The following SAFB variants were observed in gnomAD, a reference collection of about 807,000 sequenced individuals.
The protein encoded by SAFB is scaffold attachment factor B1.
SAFB carries 15 observed loss-of-function variants against 101.6 expected under a neutral mutation model. That is an observed-to-expected ratio of 0.15 (90% CI 0.10 to 0.23). SAFB has a LOEUF of 0.23. Ranked by LOEUF, SAFB falls within the 10% of genes least tolerant of loss-of-function variation. SAFB has a pLI of 1.00. For missense variants in SAFB, 930 were observed against 1,104.1 expected (o/e 0.84, Z 2.23); for synonymous variants, 449 against 407.5 (o/e 1.10, Z -1.23).
At chr19:5,642,380 A>G (rs1280269374) in intron 4 of SAFB, among the ~76,000 whole-genome samples, 3 of 152,142 alleles carry the variant, frequency 2.0e-5, no homozygotes, top group African/African-American at 7.2e-5. Flanking sequence ...CAGGAGTTCA[A>G]GGCTGTACTA....
At chr19:5,640,932 CT>C (rs60475807) in intron 2 of SAFB, among the ~76,000 whole-genome samples, 40,486 of 138,172 alleles carry the variant, frequency 0.29, 6,128 homozygotes, top group East Asian at 0.72. Context: ...TTTTGTTTTT[CT>C]TTTTTTTTTT....
chr19:5,624,951 C>CT (rs1025756254), intron 1 of SAFB, among the ~76,000 whole-genome samples: 3 of 152,126 alleles, frequency 2.0e-5, no homozygotes, highest in African/African-American at 7.2e-5. Context: ...AGGCTTTATC[C>CT]TTTTTTTCTC....
Position 5,668,368 on chromosome 19 carries a change from T to C in SAFB, c.*77T>C, listed in dbSNP as rs565132913. 1.9e-5 allele frequency: 29 copies of C among 1,488,242 alleles called. No homozygotes were observed. The African/African-American group carries it at 3.9e-4, about 20-fold the overall frequency. The allele number at this position is 1,488,242 out of a possible 1,614,324, so 92.2% of individuals were successfully genotyped here. On this transcript the variant is annotated 3_prime_UTR_variant, in exon 21 of 21. Coordinates refer to ENST00000588852, the MANE Select transcript of SAFB (RefSeq NM_001201338.2). ...GGAGTTACCTTAAACTGTGTAAAAA[T>C]ATTTTTTTTTAATCTGCTGCCATAT...
intron 1 of SAFB, among the ~76,000 whole-genome samples, chr19:5,624,687 A>G (rs1486825344): frequency 1.6e-5 from 2 of 121,586 alleles, no homozygotes; most frequent in Non-Finnish European, 3.5e-5. Context: ...AGAAGTAGGG[A>G]TTTTTTTTTT....
intron 4 of SAFB, among the ~76,000 whole-genome samples, chr19:5,643,166 T>C (rs540608565): frequency 2.0e-5 from 3 of 152,308 alleles, no homozygotes; most frequent in East Asian, 3.9e-4. Flanking sequence ...TAATTTGATA[T>C]TAATTTCATT....
intron 6 of SAFB, chr19:5,648,318 TAGAG>T (rs2053867521): frequency 4.4e-6 from 2 of 449,544 alleles, no homozygotes; most frequent in Admixed American, 4.0e-5. Context: ...GAATCATACA[TAGAG>T]AAAGAGTTCC....
chr19:5,662,462 C>G (rs538221354), intron 15 of SAFB, among the ~76,000 whole-genome samples: 1 of 151,456 alleles, frequency 6.6e-6, no homozygotes, highest in African/African-American at 2.4e-5. Context: ...CCACTGCACT[C>G]CAGCCTGGGC....
intron 14 of SAFB, among the ~76,000 whole-genome samples, chr19:5,659,632 C>T (rs981466319): frequency 7.0e-4 from 106 of 151,912 alleles, no homozygotes; most frequent in African/African-American, 2.3e-3. Context: ...CCACCCGCAT[C>T]GGCCTCCCAA....
chr19:5,653,141 T>G lies in SAFB; in HGVS notation c.1320T>G (p.Asn440Lys). Reference protein sequence around the residue: ...GKVVGAKVVTNARSPGARCYG... With the variant: ...GKVVGAKVVTKARSPGARCYG... ...TGGTGGGCGCCAAGGTTGTGACAAA[T>G]GCCCGGAGTCCTGGAGCTCGCTGTT... Residue 440 changes from asparagine (N) to lysine (K), a missense_variant, in exon 10 of 21, where the codon AAT becomes AAG. Coordinates refer to ENST00000588852, the MANE Select transcript of SAFB (RefSeq NM_001201338.2). 1 of 1,613,966 alleles carries G rather than the reference T, an allele frequency of 6.2e-7. No homozygotes were observed. The highest frequency in any genetic ancestry group is 8.5e-7 in the Non-Finnish European group (1 of 1,180,008).
At chr19:5,623,637 A>G (rs1196621880) in intron 1 of SAFB, among the ~76,000 whole-genome samples, 1 of 152,096 alleles carries the variant, frequency 6.6e-6, no homozygotes, top group African/African-American at 2.4e-5. Context: ...CGTGCAGGAG[A>G]AACGGTGACG....
intron 5 of SAFB, among the ~76,000 whole-genome samples, chr19:5,646,584 T>C (rs557452068): frequency 1.6e-4 from 25 of 152,172 alleles, no homozygotes; most frequent in Non-Finnish European, 3.2e-4. Context: ...TTTGCTTCAG[T>C]CCTATGGTCA....
Position 5,624,687 on chromosome 19 carries a change from AT to A in SAFB, c.189+1312del, listed in dbSNP as rs35651330. Among the ~76,000 whole-genome samples the A allele has an allele frequency of 9.4e-3, 1,148 of 121,550 alleles. 18 individuals are homozygous for A. In the East Asian group the frequency reaches 0.11, roughly 12 times the overall value. The allele number at this position is 121,550 out of a possible 152,430, so 79.7% of individuals were successfully genotyped here. A position where few individuals can be genotyped will look rare whatever the true frequency, so the allele number is the denominator to read the frequency against. On this transcript the variant is annotated intron_variant, in intron 1 of 20. Coordinates refer to ENST00000588852, the MANE Select transcript of SAFB (RefSeq NM_001201338.2). Reference sequence around the variant, plus strand: ...TAATTGGTGATGAGAAGAAGTAGGGATTTTTTTTTTTTTTTTTTTCCTGATG... The same window carrying A: ...TAATTGGTGATGAGAAGAAGTAGGGATTTTTTTTTTTTTTTTTTCCTGATG...
At chr19:5,662,603 C>T (rs1193130190) in intron 15 of SAFB, among the ~76,000 whole-genome samples, 4 of 151,382 alleles carry the variant, frequency 2.6e-5, no homozygotes, top group Admixed American at 6.6e-5. Context: ...ACGTAGAGAG[C>T]GCCACACGTG....
At chr19:5,648,212 A>G (rs2053865443) in intron 6 of SAFB, 169 bp downstream of exon 6, 2 of 593,876 alleles carry the variant, frequency 3.4e-6, no homozygotes. Context: ...AAACCCAGCC[A>G]TATCACCAGA....
Position 5,654,454 on chromosome 19 carries a change from A to G in SAFB, c.1753A>G (p.Arg585Gly), listed in dbSNP as rs2145463382. 6.3e-7 allele frequency: 1 copy of G among 1,577,488 alleles called. No individual in the cohort carries two copies. The highest frequency in any genetic ancestry group is 2.2e-5 in the East Asian group (1 of 44,690). The stretch of plus-strand genomic sequence containing the variant: ...TGTAAAAACGTCCGGGTCCAAAGAG[A>G]GAGTGAGTATTAATTTTCTAACTAG... ...ISVKTSGSKE[R>G]ASKSQDRKSA... Residue 585 changes from arginine (R) to glycine (G), a missense_variant and splice_region_variant, in exon 13 of 21, where the codon AGA becomes GGA. Physicochemically the swap from Arg to Gly is moderately radical, Grantham distance 125 (BLOSUM62 -2). Around this residue, in one of 7 missense-constraint regions of SAFB, gnomAD observed 159 missense variants for 234.1 expected, o/e 0.68. Transcript: ENST00000588852.
In SAFB at chr19:5,641,799, G is replaced by A. The variant is rs766033591; in HGVS notation, c.399G>A (p.Val133=). 8.1e-6 allele frequency: 13 copies of A among 1,614,136 alleles called. No individual in the cohort carries two copies. The South Asian group carries it at 1.3e-4, about 16-fold the overall frequency. Residue 133 remains valine (V), a synonymous_variant, in exon 4 of 21, where the codon GTG becomes GTA. Coordinates refer to ENST00000588852, the MANE Select transcript of SAFB (RefSeq NM_001201338.2). ...ACATCGACATCATGGATATCAGTGT[G>A]TTGGATGAAGCAGAAATTGATAATG... ...LQDIDIMDIS[V]LDEAEIDNGS... is the part of the protein sequence containing the mutation.
At chr19:5,648,066 C>G (rs747825352) in intron 6 of SAFB, 23 bp downstream of exon 6, 2 of 1,598,876 alleles carry the variant, frequency 1.3e-6, no homozygotes, top group Admixed American at 1.7e-5. Flanking sequence ...GAAAAACTTA[C>G]CAGCGGGGGT....
At chr19:5,646,739 T>A (rs1050333478) in intron 5 of SAFB, among the ~76,000 whole-genome samples, 1 of 152,194 alleles carries the variant, frequency 6.6e-6, no homozygotes, top group Non-Finnish European at 1.5e-5. Context: ...CACCTACTTA[T>A]TGGGTATATG....
chr19:5,653,987 C>A, intron 11 of SAFB, 74 bp from the exon 12 acceptor site: 9 of 1,451,400 alleles, frequency 6.2e-6, no homozygotes, highest in Non-Finnish European at 8.6e-6. Flanking sequence ...GTGATCCGCC[C>A]GCCTCATCCC....
Sources: gnomAD v4.1 joint callset for allele counts (sites outside exome capture counted in the v4.1 genomes callset) on GRCh38, gnomAD v4.1.1 for gene constraint, gnomAD v4.1.1 regional missense constraint, MANE v1.5 for transcripts, NCBI Gene and HGNC (gene_info 2026-07-23, HGNC 2026-07-21) for gene names.